Variants in SCP2 observed in about 807,000 individuals in gnomAD.
The protein encoded by SCP2 is sterol carrier protein 2.
A neutral mutation model predicts 71.4 loss-of-function variants in SCP2; 48 were observed. The observed-to-expected ratio is 0.67, with a 90% confidence interval of 0.53 to 0.86. The LOEUF is 0.86. SCP2 is among the 40% of genes least tolerant of loss of function. SCP2 has a pLI of 0.00. For synonymous variants in SCP2, 220 were observed against 218.1 expected (o/e 1.01, Z -0.08); for missense variants, 560 against 655.6 (o/e 0.85, Z 1.59).
intron 2 of SCP2, among the ~76,000 whole-genome samples, chr1:52,945,919 T>A (rs1654742394): frequency 6.6e-6 from 1 of 151,780 alleles, no homozygotes; most frequent in Non-Finnish European, 1.5e-5. Flanking sequence ...TGATCATTTT[T>A]AAGTTTTTTT....
chr1:52,951,540 CA>C (rs1655306472), intron 4 of SCP2, among the ~76,000 whole-genome samples: 1 of 112,118 alleles, frequency 8.9e-6, no homozygotes, highest in Admixed American at 1.2e-4. Flanking sequence ...CTGGGCCACA[CA>C]GTGAGACTGT....
intron 11 of SCP2, among the ~76,000 whole-genome samples, chr1:53,002,201 CAAAGAAAG>C (rs1471498039): frequency 6.8e-6 from 1 of 147,112 alleles, no homozygotes; most frequent in Admixed American, 6.8e-5. Flanking sequence ...AAAAAAAAAA[CAAAGAAAG>C]AAAAAAGAAA....
At chr1:53,005,357 G>T (rs1276722256) in intron 11 of SCP2, among the ~76,000 whole-genome samples, 5 of 152,196 alleles carry the variant, frequency 3.3e-5, no homozygotes, top group African/African-American at 7.2e-5. Flanking sequence ...TAGCCTAACT[G>T]GGAGACACCT....
At chr1:52,959,277 C>T (rs1656108586) in intron 5 of SCP2, among the ~76,000 whole-genome samples, 2 of 151,700 alleles carry the variant, frequency 1.3e-5, no homozygotes, top group African/African-American at 4.8e-5. Context: ...CTCACCGCAA[C>T]CTCCACCTCC....
At chr1:53,001,643 T>C (rs1572169848) in intron 11 of SCP2, among the ~76,000 whole-genome samples, 1 of 152,204 alleles carries the variant, frequency 6.6e-6, no homozygotes, top group Non-Finnish European at 1.5e-5. Context: ...ACACAGGCTA[T>C]GTATTCCTAG....
chr1:52,975,175 G>C (rs1483970252), intron 7 of SCP2, among the ~76,000 whole-genome samples: 2 of 151,476 alleles, frequency 1.3e-5, no homozygotes, highest in Admixed American at 1.3e-4. Flanking sequence ...ACCATGCCCG[G>C]CTAATTATTA....
intron 11 of SCP2, among the ~76,000 whole-genome samples, chr1:53,009,740 C>CTTT (rs1471652144): frequency 1.3e-5 from 2 of 152,132 alleles, no homozygotes; most frequent in Non-Finnish European, 2.9e-5. Context: ...GACTAAAACA[C>CTTT]CAAAAGCAAT....
At chr1:52,971,481 G>T (rs568685215) in intron 6 of SCP2, among the ~76,000 whole-genome samples, 3 of 152,130 alleles carry the variant, frequency 2.0e-5, no homozygotes, top group African/African-American at 4.8e-5. Context: ...CCCTCTGAAG[G>T]TTCACTGAAA....
At chr1:52,967,367 G>C (rs1557569644) in intron 6 of SCP2, among the ~76,000 whole-genome samples, 1 of 151,404 alleles carries the variant, frequency 6.6e-6, no homozygotes, top group Non-Finnish European at 1.5e-5. Context: ...TATCCAATGG[G>C]GCCAATTTTG....
intron 6 of SCP2, 69 bp downstream of exon 6, chr1:52,961,698 T>C: frequency 1.5e-6 from 2 of 1,344,910 alleles, no homozygotes; most frequent in Non-Finnish European, 2.1e-6. Flanking sequence ...ATGACAGTTA[T>C]TTATTAAGGA....
chr1:52,934,617 T>A (rs1230541732), intron 1 of SCP2, among the ~76,000 whole-genome samples: 2 of 101,066 alleles, frequency 2.0e-5, no homozygotes, highest in African/African-American at 8.1e-5. Context: ...TTTTTTTTTT[T>A]TTTTTTTTTT....
intron 5 of SCP2, among the ~76,000 whole-genome samples, chr1:52,961,216 A>C (rs1301653907): frequency 6.6e-6 from 1 of 151,386 alleles, no homozygotes; most frequent in East Asian, 1.9e-4. Flanking sequence ...TCCTAATGCT[A>C]TCCCTCCCCC....
At position 52,976,826 on chromosome 1, in the gene SCP2, AC is replaced by A. The variant is rs1275120940; in HGVS notation, c.674+63del. ...GGAAGTAACTGCTGCCCTTCCTGCC[AC>A]CCCCCTGTGGTTAAACCTTAGGCTC... On this transcript the variant is annotated intron_variant, in intron 8 of 15. Coordinates refer to ENST00000371514, the MANE Select transcript of SCP2 (RefSeq NM_002979.5). 8 of 894,390 alleles carry A rather than the reference AC, an allele frequency of 8.9e-6. No homozygotes were observed. In the East Asian group the frequency reaches 1.2e-4, roughly 14 times the overall value. The allele number at this position is 894,390 out of a possible 1,614,324, so 55.4% of individuals were successfully genotyped here. A position where few individuals can be genotyped will look rare whatever the true frequency, so the allele number is the denominator to read the frequency against.
In SCP2 at chr1:52,981,350, C is replaced by A. The variant is rs181355700; in HGVS notation, c.973+807C>A. ...CTTTAGTCTTTGAAATGTAGCTAGT[C>A]CAAATTGACGTGTGCTGTAAGTGTG... is the stretch of plus-strand genomic sequence containing the variant. On this transcript the variant is annotated intron_variant, in intron 10 of 15. Coordinates refer to ENST00000371514, the MANE Select transcript of SCP2 (RefSeq NM_002979.5). Among the ~76,000 whole-genome samples the A allele has an allele frequency of 6.6e-4, 100 of 152,142 alleles. No homozygotes were observed. In the East Asian group the frequency reaches 0.018, roughly 27 times the overall value.
chr1:53,035,884 G>GT (rs1284700833), intron 13 of SCP2, among the ~76,000 whole-genome samples: 1 of 151,984 alleles, frequency 6.6e-6, no homozygotes, highest in Non-Finnish European at 1.5e-5. Context: ...GCCGGGCGTG[G>GT]TAGCGGGCGC....
intron 11 of SCP2, chr1:52,994,317 C>T (rs549060858): frequency 3.0e-6 from 3 of 991,898 alleles, no homozygotes; most frequent in South Asian, 4.5e-5. Flanking sequence ...ATATAGGAAA[C>T]CTCTGTTTCA....
intron 6 of SCP2, among the ~76,000 whole-genome samples, chr1:52,971,031 A>G (rs1181631541): frequency 7.8e-6 from 1 of 127,804 alleles, no homozygotes; most frequent in African/African-American, 3.2e-5. Context: ...GCTGGAGTGC[A>G]GTGGCGCAAT....
chr1:53,035,456 G>A (rs1463004441), intron 13 of SCP2, among the ~76,000 whole-genome samples: 1 of 152,100 alleles, frequency 6.6e-6, no homozygotes. Flanking sequence ...CTATATTCGT[G>A]GATGGGAAGA....
At chr1:53,042,099 T>G (rs1663476908) in intron 14 of SCP2, among the ~76,000 whole-genome samples, 1 of 152,202 alleles carries the variant, frequency 6.6e-6, no homozygotes. Context: ...GGAAGTTTCC[T>G]GAATTATACA....
Sources: gnomAD v4.1 joint callset for allele counts (sites outside exome capture counted in the v4.1 genomes callset) on GRCh38, gnomAD v4.1.1 for gene constraint, MANE v1.5 for transcripts, NCBI Gene and HGNC (gene_info 2026-07-23, HGNC 2026-07-21) for gene names.